IRF2BPL: variants seen among roughly 807,000 people sequenced by gnomAD.
IRF2BPL encodes the protein interferon regulatory factor 2 binding protein like, also known as probable E3 ubiquitin-protein ligase IRF2BPL.
In IRF2BPL, 13 loss-of-function variants were observed where a neutral mutation model predicts 51.2. That is an observed-to-expected ratio of 0.25 (90% CI 0.17 to 0.40). The LOEUF (loss-of-function observed/expected upper bound fraction) is 0.40, where lower values mean the gene tolerates loss of function less well. IRF2BPL is among the 10% of genes least tolerant of loss of function. The probability of loss-of-function intolerance (pLI) is 1.00; values close to 1 mark genes in which losing one functional copy is unlikely to be tolerated. For missense variants in IRF2BPL, 1,210 were observed against 1,111.8 expected, an observed-to-expected ratio of 1.09 and a Z score of -1.26; for synonymous variants, 768 against 509.2, an observed-to-expected ratio of 1.51 and a Z score of -6.84.
rs1053785432 is a variant in IRF2BPL at position 77,026,838 on chromosome 14, A to G, written c.955T>C (p.Ser319Pro). Residue 319 changes from serine to proline, a missense_variant, in exon 1 of 1, where the codon TCG (serine) becomes CCG (proline). Ser to Pro is a moderately conservative substitution (Grantham distance 74). Transcript: ENST00000238647. ...SSSASSSTSS[S>P]VAEVGVGAGG... ...GCACCCACGCCCACCTCTGCCACCG[A>G]CGAAGAGGTCGAAGACGACGCGGAG... 7.5e-6 allele frequency: 12 copies of G among 1,610,646 alleles called. No homozygotes were observed. Among genetic ancestry groups the G allele is most frequent in the Admixed American group, 1.7e-5 (1 of 59,660 alleles).
chr14:77,028,528 G>T lies in IRF2BPL; in HGVS notation c.-736C>A, dbSNP rs1566787666. 2 of 350,066 alleles carry T rather than the reference G, an allele frequency of 5.7e-6. No individual in the cohort carries two copies. Among genetic ancestry groups the T allele is most frequent in the Non-Finnish European group, 1.0e-5 (2 of 194,504 alleles). The allele number at this position is 350,066 out of a possible 1,614,324, so 21.7% of individuals were successfully genotyped here. On this transcript the variant is annotated 5_prime_UTR_variant, in exon 1 of 1. Transcript: ENST00000238647. ...CCGCCCCCAGGCCTGGCCGGCGCCC[G>T]GGCCGCCGCGGCTGGCGGCGCTCAC...
rs1046104503 is a variant in IRF2BPL at position 77,025,341 on chromosome 14, G to T, written c.*61C>A. The T allele has an allele frequency of 1.3e-5, 17 of 1,267,608 alleles. No homozygotes were observed. The highest frequency in any genetic ancestry group is 1.8e-5 in the Non-Finnish European group (17 of 923,956). 78.5% of individuals were successfully genotyped at this position (1,267,608 alleles called of 1,614,324 possible). ...GAGGGAGGGTCGAGTTGGGTTGGGG[G>T]AGGGGCCCTCAGGATTGGAGAGGAG... On this transcript the variant is annotated 3_prime_UTR_variant, in exon 1 of 1. Transcript: ENST00000238647.
Position 77,025,956 on chromosome 14 carries a change from G to A in IRF2BPL, c.1837C>T (p.Pro613Ser). 6.2e-7 allele frequency: 1 copy of A among 1,603,896 alleles called. No homozygotes were observed. The highest frequency in any genetic ancestry group is 1.3e-5 in the African/African-American group (1 of 74,848). ...GGACCGTTCTGGGGGGCTGACTCAGGTGGGGTGGTCCGGTTGGAATGGGGT... is the reference window on the plus strand; with the variant it reads ...GGACCGTTCTGGGGGGCTGACTCAGATGGGGTGGTCCGGTTGGAATGGGGT... ...LGPHSNRTTP[P>S]ESAPQNGPSP... is the part of the protein sequence containing the mutation. Residue 613 changes from proline to serine, a missense_variant, in exon 1 of 1, where the codon CCT becomes TCT. By Grantham distance (74) the Pro-to-Ser change is moderately conservative. Transcript: ENST00000238647.
chr14:77,026,825 A>C lies in IRF2BPL; in HGVS notation c.968T>G (p.Val323Gly), dbSNP rs1013145452. Residue 323 changes from valine (V) to glycine (G), a missense_variant, in exon 1 of 1, where the codon GTG (valine) becomes GGG (glycine). By Grantham distance (109) the Val-to-Gly change is moderately radical (BLOSUM62 -3). Transcript: ENST00000238647. ...CCTCTTACCACCAGCACCCACGCCC[A>C]CCTCTGCCACCGACGAAGAGGTCGA... ...SSSTSSSVAE[V>G]GVGAGGKRPG... is the part of the protein sequence containing the mutation. The C allele has an allele frequency of 4.6e-5, 74 of 1,611,446 alleles. No individual in the cohort carries two copies. Among genetic ancestry groups the C allele is most frequent in the Middle Eastern group, 1.7e-4 (1 of 6,056 alleles).
In IRF2BPL at chr14:77,025,813, T is replaced by C. The variant is rs925559552; in HGVS notation, c.1980A>G (p.Pro660=). 1.2e-6 allele frequency: 2 copies of C among 1,612,364 alleles called. No homozygotes were observed. Among genetic ancestry groups the C allele is most frequent in the Non-Finnish European group, 1.7e-6 (2 of 1,179,720 alleles). The stretch of plus-strand genomic sequence containing the variant: ...GCCCCGGCACGGAGGCCGGCGAGAC[T>C]GGGCTGCTGCTGTTTCGCCGCGCCG... ...TASARRNSSS[P]VSPASVPGQR... The change falls in exon 1 of 1, where the codon CCA becomes CCG. Residue 660 remains proline, a synonymous_variant. Transcript: ENST00000238647.
chr14:77,027,523 CGCCGCCGCT>C lies in IRF2BPL; in HGVS notation c.261_269del (p.Ala100_Ala102del), dbSNP rs767050771. ...CGGCGGCCGCCGCTGCTGCCGCCGCCGCCGCCGCTTCCTTAGCCGACAGGGCCACTGTCT... is the reference window on the plus strand; with the variant it reads ...CGGCGGCCGCCGCTGCTGCCGCCGCCTCCTTAGCCGACAGGGCCACTGTCT... On this transcript the variant is annotated inframe_deletion, in exon 1 of 1. Transcript: ENST00000238647. The C allele has an allele frequency of 7.1e-5, 51 of 722,036 alleles. 4 individuals are homozygous for C. The highest frequency in any genetic ancestry group is 2.5e-4 in the East Asian group (2 of 7,944). The allele number at this position is 722,036 out of a possible 1,614,324, so 44.7% of individuals were successfully genotyped here.
chr14:77,024,612 A>C lies in IRF2BPL; in HGVS notation c.*790T>G, dbSNP rs1275332919. The C allele has an allele frequency of 6.6e-6, 1 of 152,632 alleles. No homozygotes were observed. The highest frequency in any genetic ancestry group is 2.4e-5 in the African/African-American group (1 of 41,464). The allele number at this position is 152,632 out of a possible 1,614,324, so 9.5% of individuals were successfully genotyped here. On this transcript the variant is annotated 3_prime_UTR_variant, in exon 1 of 1. Transcript: ENST00000238647. Reference sequence around the variant, plus strand: ...CATTACAGTGTTCTGTTAACTACAGAAATGTATAAAGGACAAACAGAGCAG... The same window carrying C: ...CATTACAGTGTTCTGTTAACTACAGCAATGTATAAAGGACAAACAGAGCAG...
chr14:77,027,359 C>A lies in IRF2BPL; in HGVS notation c.434G>T (p.Gly145Val), dbSNP rs769398917. The A allele has an allele frequency of 3.3e-6, 5 of 1,513,602 alleles. No homozygotes were observed. Among genetic ancestry groups the A allele is most frequent in the Middle Eastern group, 2.2e-4 (1 of 4,574 alleles). The allele number at this position is 1,513,602 out of a possible 1,614,324, so 93.8% of individuals were successfully genotyped here. ...AGCGCTTAGGCCGTAGCGCTCCAGGCCAGACGGGGCCGCCAGCACCGCAGG... is the reference window on the plus strand; with the variant it reads ...AGCGCTTAGGCCGTAGCGCTCCAGGACAGACGGGGCCGCCAGCACCGCAGG... ...SKPAVLAAPS[G>V]LERYGLSAAA... Residue 145 changes from glycine to valine, a missense_variant, in exon 1 of 1, where the codon GGC (glycine) becomes GTC (valine). Gly to Val is a moderately radical substitution (Grantham distance 109). Coordinates refer to ENST00000238647, the MANE Select transcript of IRF2BPL (RefSeq NM_024496.4).
rs763340228 is a variant in IRF2BPL at position 77,026,439 on chromosome 14, C to T, written c.1354G>A (p.Gly452Ser). The T allele has an allele frequency of 6.8e-6, 11 of 1,613,398 alleles. No homozygotes were observed. In the African/African-American group the frequency reaches 1.5e-4, roughly 22 times the overall value. ...AGGTACTTGAAACCCGAGGATAGGC[C>T]CCGGCCGAAGTCCTTCATGCAGTCC... Reference protein sequence around the residue: ...YQDCMKDFGRGLSSGFKYLEY... With the variant: ...YQDCMKDFGRSLSSGFKYLEY... The change falls in exon 1 of 1, where the codon GGC becomes AGC. Residue 452 changes from glycine (G) to serine (S), a missense_variant. Coordinates refer to ENST00000238647, the MANE Select transcript of IRF2BPL (RefSeq NM_024496.4).
Position 77,026,122 on chromosome 14 carries a change from C to T in IRF2BPL, c.1671G>A (p.Ala557=). ...TCTGCTGTTCCTCGCCCAGCTTCAG[C>T]GCGCCCTCGGCTGAGTCCGGGGGCT... ...SPEPPDSAEG[A]LKLGEEQQRQ... is the part of the protein sequence containing the mutation. Residue 557 remains alanine, a synonymous_variant, in exon 1 of 1, where the codon GCG becomes GCA. Coordinates refer to ENST00000238647, the MANE Select transcript of IRF2BPL (RefSeq NM_024496.4). 1.3e-6 allele frequency: 2 copies of T among 1,568,176 alleles called. No individual in the cohort carries two copies. Among genetic ancestry groups the T allele is most frequent in the Non-Finnish European group, 1.7e-6 (2 of 1,163,082 alleles).
Position 77,025,670 on chromosome 14 carries a change from G to C in IRF2BPL, c.2123C>G (p.Ala708Gly). 6.4e-7 allele frequency: 1 copy of C among 1,563,188 alleles called. No individual in the cohort carries two copies. Among genetic ancestry groups the C allele is most frequent in the Non-Finnish European group, 8.7e-7 (1 of 1,152,158 alleles). Residue 708 changes from alanine (A) to glycine (G), a missense_variant, in exon 1 of 1, where the codon GCC (alanine) becomes GGC (glycine). Ala to Gly is a moderately conservative substitution (Grantham distance 60). Transcript: ENST00000238647. ...HPQNIPDSPM[A>G]NSGPLCCTIC... Reference sequence around the variant, plus strand: ...GGTGCAGCAGAGGGGTCCGCTGTTGGCCATGGGGGAATCCGGAATGTTTTG... The same window carrying C: ...GGTGCAGCAGAGGGGTCCGCTGTTGCCCATGGGGGAATCCGGAATGTTTTG...
Position 77,027,427 on chromosome 14 carries a change from C to T in IRF2BPL, c.366G>A (p.Gln122=), listed in dbSNP as rs1392014507. 67 of 951,848 alleles carry T rather than the reference C, an allele frequency of 7.0e-5. 1 individual carries two copies. The highest frequency in any genetic ancestry group is 2.0e-4 in the South Asian group (11 of 55,932). The allele number at this position is 951,848 out of a possible 1,614,324, so 59.0% of individuals were successfully genotyped here. ...CGTGGTTGAGCTGTTGTTGCTGCTGCTGCTGCTGCTGCTGCTGCTGCTGTT... is the reference window on the plus strand; with the variant it reads ...CGTGGTTGAGCTGTTGTTGCTGCTGTTGCTGCTGCTGCTGCTGCTGCTGTT... The part of the protein sequence containing the change: ...QQQQQQQQQQ[Q]QQQQQLNHVD... Residue 122 remains glutamine, a synonymous_variant, in exon 1 of 1, where the codon CAG becomes CAA. Coordinates refer to ENST00000238647, the MANE Select transcript of IRF2BPL (RefSeq NM_024496.4).
rs1482516385 is a variant in IRF2BPL, at chr14:77,028,272, A to T, written c.-480T>A. On this transcript the variant is annotated 5_prime_UTR_variant, in exon 1 of 1. Coordinates refer to ENST00000238647, the MANE Select transcript of IRF2BPL (RefSeq NM_024496.4). ...TCTCCCCGACGGGCCCCCTGGGGCG[A>T]GGGCCAGAGGGTTCAGTGCCACCCG... 1 of 238,586 alleles carries T rather than the reference A, an allele frequency of 4.2e-6. No homozygotes were observed. Among genetic ancestry groups the T allele is most frequent in the Admixed American group, 5.7e-5 (1 of 17,462 alleles). 14.8% of individuals were successfully genotyped at this position (238,586 alleles called of 1,614,324 possible).
At position 77,028,115 on chromosome 14, in the gene IRF2BPL, A is replaced by G; in HGVS notation, c.-323T>C. ...ACTTGGGCTGGAAGCTCCCGGCCCGAGGGGAGGGGGCGAGGGTGCCCGGTG... is the reference window on the plus strand; with the variant it reads ...ACTTGGGCTGGAAGCTCCCGGCCCGGGGGGAGGGGGCGAGGGTGCCCGGTG... On this transcript the variant is annotated 5_prime_UTR_variant, in exon 1 of 1. Coordinates refer to ENST00000238647, the MANE Select transcript of IRF2BPL (RefSeq NM_024496.4). 1 of 279,764 alleles carries G rather than the reference A, an allele frequency of 3.6e-6. No individual in the cohort carries two copies. Among genetic ancestry groups the G allele is most frequent in the Admixed American group, 5.4e-5 (1 of 18,678 alleles). The allele number at this position is 279,764 out of a possible 1,614,324, so 17.3% of individuals were successfully genotyped here.
Position 77,027,568 on chromosome 14 carries a change from G to GGGC in IRF2BPL, c.222_224dup (p.Pro75dup), listed in dbSNP as rs1885191689. The GGGC allele has an allele frequency of 5.6e-6, 5 of 897,292 alleles. No individual in the cohort carries two copies. The highest frequency in any genetic ancestry group is 4.0e-5 in the South Asian group (2 of 50,286). 55.6% of individuals were successfully genotyped at this position (897,292 alleles called of 1,614,324 possible). ...ACAGGGCCACTGTCTTGACCCCGACGGGCGGCGGCGGCCCGGGGGAGCGGC... is the reference window on the plus strand; with the variant it reads ...ACAGGGCCACTGTCTTGACCCCGACGGGCGGCGGCGGCGGCCCGGGGGAGCGGC... On this transcript the variant is annotated inframe_insertion, in exon 1 of 1. Transcript: ENST00000238647.
rs1197450379 is a variant in IRF2BPL at position 77,025,422 on chromosome 14, TCAC to T, written c.2368_2370del (p.Val790del). 6 of 1,566,636 alleles carry T rather than the reference TCAC, an allele frequency of 3.8e-6. No homozygotes were observed. The highest frequency in any genetic ancestry group is 2.4e-5 in the South Asian group (2 of 84,238). ...GTGGTTCAAGGGTCTCTCTCCTTTT[TCAC>T]TTTAACATCCCCAGCTAAGATAGTC... On this transcript the variant is annotated inframe_deletion, in exon 1 of 1. Transcript: ENST00000238647.
In IRF2BPL at chr14:77,025,731, G is replaced by C. The variant is rs1434562250; in HGVS notation, c.2062C>G (p.Pro688Ala). 1 of 1,579,722 alleles carries C rather than the reference G, an allele frequency of 6.3e-7. No individual in the cohort carries two copies. Among genetic ancestry groups the C allele is most frequent in the South Asian group, 1.2e-5 (1 of 84,748 alleles). ...TGGTCCATGCCCGGGTGGGCGCTAGGCGGCGGGGGCGCCACCTGTAAATTC... is the reference window on the plus strand; with the variant it reads ...TGGTCCATGCCCGGGTGGGCGCTAGCCGGCGGGGGCGCCACCTGTAAATTC... ...DLNLQVAPPP[P>A]SAHPGMDQVH... The change falls in exon 1 of 1, where the codon CCT becomes GCT. Residue 688 changes from proline (P) to alanine (A), a missense_variant. Pro to Ala is a conservative substitution (Grantham distance 27). Coordinates refer to ENST00000238647, the MANE Select transcript of IRF2BPL (RefSeq NM_024496.4).
In IRF2BPL at chr14:77,025,936, G is replaced by T; in HGVS notation, c.1857C>A (p.Asn619Lys). Reference protein sequence around the residue: ...RTTPPESAPQNGPSPMAALMS... With the variant: ...RTTPPESAPQKGPSPMAALMS... The stretch of plus-strand genomic sequence containing the variant: ...TGAGAGCGGCCATAGGGGACGGACC[G>T]TTCTGGGGGGCTGACTCAGGTGGGG... The change falls in exon 1 of 1, where the codon AAC becomes AAA. Residue 619 changes from asparagine to lysine, a missense_variant. Transcript: ENST00000238647. 1 of 1,608,964 alleles carries T rather than the reference G, an allele frequency of 6.2e-7. No homozygotes were observed. Among genetic ancestry groups the T allele is most frequent in the Non-Finnish European group, 8.5e-7 (1 of 1,178,272 alleles).
Position 77,024,848 on chromosome 14 carries a change from A to AGG in IRF2BPL, c.*553_*554insCC, listed in dbSNP as rs10623682. On this transcript the variant is annotated 3_prime_UTR_variant, in exon 1 of 1. Coordinates refer to ENST00000238647, the MANE Select transcript of IRF2BPL (RefSeq NM_024496.4). Reference sequence around the variant, plus strand: ...ACAAAACAGAAAAACAAAACAAAACAACAAAATAAAGTGAAGACTTCAACA... The same window carrying AGG: ...ACAAAACAGAAAAACAAAACAAAACAGGACAAAATAAAGTGAAGACTTCAACA... 1 of 1,308 alleles carries AGG rather than the reference A, an allele frequency of 7.6e-4. No homozygotes were observed. Among genetic ancestry groups the AGG allele is most frequent in the African/African-American group, 1.7e-3 (1 of 592 alleles). 0.1% of individuals were successfully genotyped at this position (1,308 alleles called of 1,614,324 possible). A position where few individuals can be genotyped will look rare whatever the true frequency, so the allele number is the denominator to read the frequency against.
Sources: gnomAD v4.1 joint callset for allele counts on GRCh38, gnomAD v4.1.1 for gene constraint, MANE v1.5 for transcripts, NCBI Gene and HGNC (gene_info 2026-07-23, HGNC 2026-07-21) for gene names.